Variants in CNTNAP2 observed in about 807,000 individuals in gnomAD.
The protein encoded by CNTNAP2 is contactin associated protein 2, also known as contactin-associated protein-like 2.
Under a neutral mutation model 155.2 loss-of-function variants are expected in CNTNAP2, and 98 were observed. The ratio of observed to expected loss-of-function variants is 0.63; its 90% CI spans 0.54 to 0.75. The LOEUF is 0.75. Among genes scored for constraint, CNTNAP2 ranks in the 30% least tolerant of loss-of-function variants. The pLI is 0.00. For missense variants in CNTNAP2, 1,727 were observed against 1,688.1 expected, an observed-to-expected ratio of 1.02 and a Z score of -0.40; for synonymous variants, 651 against 631.2, an observed-to-expected ratio of 1.03 and a Z score of -0.47.
chr7:147,781,878 C>T (rs1797666763), intron 13 of CNTNAP2, among the ~76,000 whole-genome samples: 1 of 152,104 alleles, frequency 6.6e-6, no homozygotes, highest in South Asian at 2.1e-4. Context: ...AAAAAATTAG[C>T]TGGGCGTGGC....
chr7:148,307,527 C>T (rs190492988), intron 21 of CNTNAP2, among the ~76,000 whole-genome samples: 7 of 152,306 alleles, frequency 4.6e-5, no homozygotes, highest in Admixed American at 2.6e-4. Flanking sequence ...TCCCCTGCCT[C>T]ATGATTTGTT....
chr7:146,987,418 T>C (rs1290362331), intron 3 of CNTNAP2, among the ~76,000 whole-genome samples: 3 of 152,076 alleles, frequency 2.0e-5, no homozygotes, highest in African/African-American at 4.8e-5. Context: ...TACAAATAAA[T>C]GAAAATGAAA....
At chr7:146,214,208 T>C (rs1799079478) in intron 1 of CNTNAP2, among the ~76,000 whole-genome samples, 1 of 152,238 alleles carries the variant, frequency 6.6e-6, no homozygotes, top group Non-Finnish European at 1.5e-5. Flanking sequence ...TCTACTTTTA[T>C]ACAAAATCCC....
intron 1 of CNTNAP2, among the ~76,000 whole-genome samples, chr7:146,499,594 C>T (rs1020828296): frequency 6.6e-6 from 1 of 151,888 alleles, no homozygotes; most frequent in East Asian, 1.9e-4. Context: ...TCCCCTTCCT[C>T]CCCCCACACC....
chr7:148,209,826 A>G (rs1010971620), intron 18 of CNTNAP2, among the ~76,000 whole-genome samples: 2 of 152,176 alleles, frequency 1.3e-5, no homozygotes, highest in Admixed American at 6.5e-5. Flanking sequence ...CGACCTTTCT[A>G]TCTAGCCTCA....
chr7:147,639,709 C>T (rs907587726), intron 13 of CNTNAP2, among the ~76,000 whole-genome samples: 2 of 152,118 alleles, frequency 1.3e-5, no homozygotes, highest in East Asian at 1.9e-4. Context: ...TATAGAATAG[C>T]GATAGAATTT....
intron 13 of CNTNAP2, among the ~76,000 whole-genome samples, chr7:147,718,734 A>G (rs1321257789): frequency 1.3e-5 from 2 of 152,122 alleles, no homozygotes; most frequent in Admixed American, 6.6e-5. Context: ...AGTAATTACT[A>G]AAAAACATAC....
intron 13 of CNTNAP2, among the ~76,000 whole-genome samples, chr7:147,877,033 T>C (rs1487385259): frequency 6.6e-6 from 1 of 152,102 alleles, no homozygotes; most frequent in Non-Finnish European, 1.5e-5. Context: ...TGGGGCTGTT[T>C]GTCATTGGGA....
At chr7:148,219,707 C>A (rs1795709320) in intron 19 of CNTNAP2, among the ~76,000 whole-genome samples, 3 of 152,022 alleles carry the variant, frequency 2.0e-5, no homozygotes, top group Admixed American at 2.0e-4. Context: ...TGGTGAGGCA[C>A]ACCTGTGGTC....
At chr7:147,905,188 GCCAGGCAGAC>G (rs1799939432) in intron 14 of CNTNAP2, among the ~76,000 whole-genome samples, 1 of 152,096 alleles carries the variant, frequency 6.6e-6, no homozygotes, top group South Asian at 2.1e-4. Flanking sequence ...GTGTTCTTAA[GCCAGGCAGAC>G]CTTCTCCCAT....
intron 3 of CNTNAP2, among the ~76,000 whole-genome samples, chr7:146,939,208 C>A (rs996763400): frequency 1.3e-5 from 2 of 152,122 alleles, no homozygotes; most frequent in African/African-American, 4.8e-5. Context: ...AAGCAAGCGG[C>A]AGTCTACAAT....
At chr7:146,297,161 C>T (rs1475943196) in intron 1 of CNTNAP2, among the ~76,000 whole-genome samples, 4 of 152,032 alleles carry the variant, frequency 2.6e-5, no homozygotes, top group Admixed American at 2.6e-4. Flanking sequence ...TTCATTGTAA[C>T]ATTTCCCAAT....
intron 13 of CNTNAP2, among the ~76,000 whole-genome samples, chr7:147,737,015 C>T (rs992660494): frequency 6.6e-6 from 1 of 152,220 alleles, no homozygotes; most frequent in East Asian, 1.9e-4. Flanking sequence ...GCCTTCTTCT[C>T]TCAACTCATC....
intron 4 of CNTNAP2, among the ~76,000 whole-genome samples, chr7:147,065,955 G>T (rs1275687111): frequency 6.6e-6 from 1 of 151,986 alleles, no homozygotes; most frequent in Admixed American, 6.6e-5. Flanking sequence ...CATATCTTTT[G>T]TACCTGTCTC....
intron 1 of CNTNAP2, among the ~76,000 whole-genome samples, chr7:146,459,941 G>T (rs547063544): frequency 6.6e-6 from 1 of 152,254 alleles, no homozygotes; most frequent in South Asian, 2.1e-4. Flanking sequence ...TTGCACTCCA[G>T]GCTGGGTGAC....
chr7:148,223,820 G>GA (rs941594399), intron 19 of CNTNAP2, among the ~76,000 whole-genome samples: 1 of 151,606 alleles, frequency 6.6e-6, no homozygotes, highest in Non-Finnish European at 1.5e-5. Context: ...GGACAGAAAA[G>GA]AAAAAAAAGA....
intron 8 of CNTNAP2, among the ~76,000 whole-genome samples, chr7:147,231,834 T>C (rs1803687632): frequency 6.6e-6 from 1 of 152,216 alleles, no homozygotes; most frequent in Non-Finnish European, 1.5e-5. Context: ...TAACTCCTCA[T>C]CAGATATAAG....
At chr7:148,219,510 A>G (rs965134162) in intron 19 of CNTNAP2, among the ~76,000 whole-genome samples, 1 of 152,214 alleles carries the variant, frequency 6.6e-6, no homozygotes, top group Non-Finnish European at 1.5e-5. Context: ...CCTAGGCGAC[A>G]TAGCAAGACA....
At chr7:147,982,745 T>A (rs1384201776) in intron 15 of CNTNAP2, among the ~76,000 whole-genome samples, 4 of 152,040 alleles carry the variant, frequency 2.6e-5, no homozygotes, top group Non-Finnish European at 4.4e-5. Flanking sequence ...TGGCCAGGCA[T>A]GGTGGCTCAC....
Sources: allele counts gnomAD v4.1 joint callset (sites outside exome capture counted in the v4.1 genomes callset), GRCh38; gene constraint gnomAD v4.1.1; transcripts MANE v1.5; gene names NCBI Gene and HGNC (gene_info 2026-07-23, HGNC 2026-07-21).